ARID1B: variants seen among roughly 807,000 people sequenced by gnomAD.
The protein encoded by ARID1B is AT-rich interaction domain 1B, also known as AT-rich interactive domain-containing protein 1B.
Under a neutral mutation model 212.3 loss-of-function variants are expected in ARID1B, and 30 were observed. The ratio of observed to expected loss-of-function variants is 0.14; its 90% CI spans 0.11 to 0.19. The LOEUF is 0.19. Ranked by LOEUF, ARID1B falls within the 10% of genes least tolerant of loss-of-function variation. The probability of loss-of-function intolerance (pLI) is 1.00; values close to 1 mark genes in which losing one functional copy is unlikely to be tolerated. For synonymous variants in ARID1B, 1,402 were observed against 1,301.7 expected (o/e 1.08, Z -1.66); for missense variants, 2,891 against 3,204.0 (o/e 0.90, Z 2.36).
chr6:157,022,293 A>G (rs1429581785), intron 4 of ARID1B: 1 of 152,254 alleles, frequency 6.6e-6, no homozygotes, highest in African/African-American at 2.4e-5. Context: ...TTTGTGTAAT[A>G]GCTGCTTCTT....
intron 1 of ARID1B, among the ~76,000 whole-genome samples, chr6:156,817,230 A>T (rs1273509657): frequency 3.3e-5 from 5 of 151,910 alleles, no homozygotes; most frequent in Admixed American, 2.6e-4. Context: ...ACAAAAAAAA[A>T]TTAGCCAGGC....
chr6:157,042,873 C>G (rs1326417797), intron 4 of ARID1B, among the ~76,000 whole-genome samples: 6 of 152,044 alleles, frequency 3.9e-5, no homozygotes, highest in Non-Finnish European at 7.4e-5. Context: ...GTTGGCCAGG[C>G]TGGTCTCAAA....
At chr6:156,989,690 G>C (rs1454761050) in intron 4 of ARID1B, among the ~76,000 whole-genome samples, 1 of 152,200 alleles carries the variant, frequency 6.6e-6, no homozygotes, top group Non-Finnish European at 1.5e-5. Context: ...AGGAGTCAGT[G>C]AGATTCCCCT....
intron 13 of ARID1B, 70 bp from the exon 14 acceptor site, chr6:157,189,572 A>G (rs927242588): frequency 6.7e-7 from 1 of 1,503,152 alleles, no homozygotes; most frequent in African/African-American, 1.4e-5. Flanking sequence ...CTGTATAACT[A>G]GCAAGGCAGC....
intron 6 of ARID1B, among the ~76,000 whole-genome samples, chr6:157,118,066 G>A (rs1787446692): frequency 6.6e-6 from 1 of 152,138 alleles, no homozygotes; most frequent in Admixed American, 6.6e-5. Flanking sequence ...ACTGTTGTCA[G>A]CTAGTTTTAT....
intron 1 of ARID1B, among the ~76,000 whole-genome samples, chr6:156,786,365 A>AT (rs1554250156): frequency 6.6e-6 from 1 of 151,972 alleles, no homozygotes; most frequent in East Asian, 1.9e-4. Flanking sequence ...AACTTCAGAA[A>AT]TTCTTTGTAT....
chr6:156,930,650 A>G lies in ARID1B; in HGVS notation c.2137-4816A>G, dbSNP rs76077264. On this transcript the variant is annotated intron_variant, in intron 3 of 19. Coordinates refer to ENST00000636930, the MANE Select transcript of ARID1B (RefSeq NM_001374828.1). ...GGAAGACTGGAAACAACCTAAATGT[A>G]CATCAATAAGTGACTGGTTAAATAC... Among the ~76,000 whole-genome samples the G allele has an allele frequency of 9.2e-3, 1,395 of 152,332 alleles. 23 individuals carry two copies. The highest frequency in any genetic ancestry group is 0.032 in the African/African-American group (1,336 of 41,558).
At chr6:157,120,033 G>A (rs547999673) in intron 6 of ARID1B, among the ~76,000 whole-genome samples, 3 of 152,216 alleles carry the variant, frequency 2.0e-5, no homozygotes, top group Non-Finnish European at 4.4e-5. Flanking sequence ...GCAAAGCACC[G>A]TGAACATAGT....
At position 157,186,993 on chromosome 6, in the gene ARID1B, G is replaced by C. The variant is rs569100093; in HGVS notation, c.3919+2558G>C. ...CCCCACATATCACTGCCAAGTGGCT[G>C]TGTGGCTTCTCACACCGGATGTCTG... On this transcript the variant is annotated intron_variant, in intron 13 of 19. Coordinates refer to ENST00000636930, the MANE Select transcript of ARID1B (RefSeq NM_001374828.1). 3.3e-5 allele frequency among the ~76,000 whole-genome samples: 5 copies of C among 152,370 alleles called. No homozygotes were observed. In the South Asian group the frequency reaches 1.0e-3, roughly 32 times the overall value.
intron 4 of ARID1B, among the ~76,000 whole-genome samples, chr6:156,982,028 T>TC (rs1777637272): frequency 6.7e-6 from 1 of 148,830 alleles, no homozygotes; most frequent in African/African-American, 2.4e-5. Context: ...GGATGTCTCT[T>TC]TTTTTTTTTT....
intron 4 of ARID1B, among the ~76,000 whole-genome samples, chr6:157,015,436 A>G (rs1298480911): frequency 6.6e-6 from 1 of 152,180 alleles, no homozygotes; most frequent in African/African-American, 2.4e-5. Context: ...TCAGTCCTGG[A>G]GCTTGGGTGG....
chr6:157,057,929 A>T (rs1195557352), intron 4 of ARID1B, among the ~76,000 whole-genome samples: 1 of 152,230 alleles, frequency 6.6e-6, no homozygotes, highest in Non-Finnish European at 1.5e-5. Flanking sequence ...TAATGTTGAC[A>T]TGAAAATTAC....
chr6:156,855,231 T>A (rs1784833597), intron 2 of ARID1B, among the ~76,000 whole-genome samples: 1 of 152,256 alleles, frequency 6.6e-6, no homozygotes, highest in Admixed American at 6.5e-5. Flanking sequence ...AATAGATTTT[T>A]AAGGCGTATG....
At chr6:156,982,555 G>A (rs1465574215) in intron 4 of ARID1B, among the ~76,000 whole-genome samples, 1 of 151,312 alleles carries the variant, frequency 6.6e-6, no homozygotes, top group Non-Finnish European at 1.5e-5. Context: ...TTATTCTGGT[G>A]CTCCTGGGTG....
rs575365530 is a variant in ARID1B at position 157,120,797 on chromosome 6, G to A, written c.2581+10236G>A. Among the ~76,000 whole-genome samples the A allele has an allele frequency of 8.5e-5, 13 of 152,248 alleles. 1 individual carries two copies. In the South Asian group the frequency reaches 1.7e-3, roughly 19 times the overall value. ...CAAATGAAAAACGTGCTTGCTTTTCGGTGGCTTCTGTTGCCTTGGACGTCT... is the reference window on the plus strand; with the variant it reads ...CAAATGAAAAACGTGCTTGCTTTTCAGTGGCTTCTGTTGCCTTGGACGTCT... On this transcript the variant is annotated intron_variant, in intron 6 of 19. Coordinates refer to ENST00000636930, the MANE Select transcript of ARID1B (RefSeq NM_001374828.1).
chr6:156,833,402 T>C (rs1279616176), intron 2 of ARID1B, among the ~76,000 whole-genome samples: 6 of 152,162 alleles, frequency 3.9e-5, no homozygotes, highest in Non-Finnish European at 2.9e-5. Flanking sequence ...AGCTGAGTTA[T>C]TTATTTGTGT....
intron 12 of ARID1B, 127 bp downstream of exon 12, chr6:157,181,305 C>T (rs1170694211): frequency 1.6e-6 from 2 of 1,222,940 alleles, no homozygotes; most frequent in East Asian, 2.6e-5. Context: ...GTGAAAGTCG[C>T]CTTCTTGCAA....
At chr6:156,817,559 G>C (rs1020924923) in intron 1 of ARID1B, among the ~76,000 whole-genome samples, 1 of 151,724 alleles carries the variant, frequency 6.6e-6, no homozygotes, top group Non-Finnish European at 1.5e-5. Context: ...GAGCCCAGGA[G>C]TTTGAGGCTG....
At chr6:157,076,607 A>G (rs78221712) in intron 4 of ARID1B, among the ~76,000 whole-genome samples, 1 of 151,880 alleles carries the variant, frequency 6.6e-6, no homozygotes, top group Admixed American at 6.6e-5. Context: ...TAAGATAAAC[A>G]GTAAAGTTGT....
Sources: allele counts gnomAD v4.1 joint callset (sites outside exome capture counted in the v4.1 genomes callset), GRCh38; gene constraint gnomAD v4.1.1; transcripts MANE v1.5; gene names NCBI Gene and HGNC (gene_info 2026-07-23, HGNC 2026-07-21).